RORA: variants seen among roughly 807,000 people sequenced by gnomAD.
The protein encoded by RORA is nuclear receptor ROR-alpha.
In RORA, 7 loss-of-function variants were observed where a neutral mutation model predicts 69.5. That is an observed-to-expected ratio of 0.10 (90% CI 0.06 to 0.19). The LOEUF (loss-of-function observed/expected upper bound fraction) is 0.19. RORA is among the 10% of genes least tolerant of loss of function. The probability of loss-of-function intolerance (pLI) is 1.00; values close to 1 mark genes in which losing one functional copy is unlikely to be tolerated. For synonymous variants in RORA, 261 were observed against 240.8 expected, an observed-to-expected ratio of 1.08 and a Z score of -0.78; for missense variants, 457 against 663.0, an observed-to-expected ratio of 0.69 and a Z score of 3.41.
intron 1 of RORA, among the ~76,000 whole-genome samples, chr15:60,806,931 T>A (rs1431720509): frequency 6.6e-6 from 1 of 152,174 alleles, no homozygotes; most frequent in African/African-American, 2.4e-5. Flanking sequence ...AAAAACCATC[T>A]ATGACAAACC....
At chr15:60,709,741 G>A (rs1377918358) in intron 1 of RORA, among the ~76,000 whole-genome samples, 1 of 151,504 alleles carries the variant, frequency 6.6e-6, no homozygotes, top group African/African-American at 2.4e-5. Context: ...TCTACAATGT[G>A]GTGAATTGTA....
chr15:60,892,891 G>C (rs1201454217), intron 1 of RORA, among the ~76,000 whole-genome samples: 1 of 152,170 alleles, frequency 6.6e-6, no homozygotes, highest in African/African-American at 2.4e-5. Flanking sequence ...CATAAATTTA[G>C]CTGGAACATT....
At chr15:60,930,142 C>T (rs990727756) in intron 1 of RORA, among the ~76,000 whole-genome samples, 2 of 152,212 alleles carry the variant, frequency 1.3e-5, no homozygotes, top group African/African-American at 4.8e-5. Flanking sequence ...AGCCATGTGG[C>T]TAGCGGCTAC....
At chr15:60,611,609 G>A (rs941170778) in intron 2 of RORA, among the ~76,000 whole-genome samples, 1 of 105,578 alleles carries the variant, frequency 9.5e-6, no homozygotes, top group African/African-American at 3.9e-5. Context: ...TTCTTTGCAC[G>A]AGGAGTCTAG....
At chr15:61,001,430 A>C (rs1005675526) in intron 1 of RORA, among the ~76,000 whole-genome samples, 1 of 152,378 alleles carries the variant, frequency 6.6e-6, no homozygotes. Context: ...AGTCAGAGGA[A>C]GAAAACTAAC....
Position 60,847,248 on chromosome 15 carries a change from G to A in RORA, c.167-168562C>T, listed in dbSNP as rs191478887. Among the ~76,000 whole-genome samples the A allele has an allele frequency of 4.6e-5, 7 of 152,148 alleles. No homozygotes were observed. The East Asian group carries it at 1.4e-3, about 29-fold the overall frequency. On this transcript the variant is annotated intron_variant, in intron 1 of 10. Coordinates refer to ENST00000335670, the MANE Select transcript of RORA (RefSeq NM_134261.3). Reference sequence around the variant, plus strand: ...ACTCCCTTGAGGATTAAAGGTATAAGGGTGAACGCAGAGGTGAACTTAGAT... The same window carrying A: ...ACTCCCTTGAGGATTAAAGGTATAAAGGTGAACGCAGAGGTGAACTTAGAT...
At chr15:60,735,594 T>C (rs960873649) in intron 1 of RORA, among the ~76,000 whole-genome samples, 1 of 145,490 alleles carries the variant, frequency 6.9e-6, no homozygotes, top group Admixed American at 6.7e-5. Context: ...AAAAACCAAG[T>C]TGCACTTCGG....
intron 2 of RORA, among the ~76,000 whole-genome samples, chr15:60,669,910 TAA>T (rs1164276599): frequency 1.3e-5 from 2 of 152,200 alleles, no homozygotes; most frequent in Non-Finnish European, 2.9e-5. Flanking sequence ...GGGAGGAATA[TAA>T]GTTAGATTAC....
chr15:61,052,177 T>A (rs974045916), intron 1 of RORA, among the ~76,000 whole-genome samples: 6 of 152,246 alleles, frequency 3.9e-5, no homozygotes, highest in African/African-American at 9.6e-5. Context: ...CAGAGAATGA[T>A]CAGTGTTTTC....
At chr15:61,018,373 C>G (rs1895377238) in intron 1 of RORA, among the ~76,000 whole-genome samples, 2 of 151,954 alleles carry the variant, frequency 1.3e-5, no homozygotes, top group Admixed American at 1.3e-4. Context: ...CATTCACATT[C>G]TAAAATTGCT....
intron 2 of RORA, among the ~76,000 whole-genome samples, chr15:60,617,706 A>G (rs141547505): frequency 1.0e-3 from 153 of 151,682 alleles, no homozygotes; most frequent in African/African-American, 3.5e-3. Context: ...AGGGAGAGAG[A>G]GAGAAACCTA....
In RORA at chr15:60,531,867, G is replaced by C; in HGVS notation, c.197-16C>G. On this transcript the variant is annotated splice_polypyrimidine_tract_variant and intron_variant, in intron 2 of 10. Transcript: ENST00000335670. This position sits in a 1 kb window ranked among gnomAD's most constrained non-coding sequence, Gnocchi z 4.8. ...TCAATTTGAGCTGCAACAGAAGCAC[G>C]CAACCAGTTAATTACATTTTCTTTT... 2 of 1,521,806 alleles carry C rather than the reference G, an allele frequency of 1.3e-6. No individual in the cohort carries two copies. Among genetic ancestry groups the C allele is most frequent in the South Asian group, 1.2e-5 (1 of 83,140 alleles). 94.3% of individuals were successfully genotyped at this position (1,521,806 alleles called of 1,614,324 possible). A position where few individuals can be genotyped will look rare whatever the true frequency, so the allele number is the denominator to read the frequency against.
At chr15:61,040,003 T>C (rs1471749496) in intron 1 of RORA, among the ~76,000 whole-genome samples, 1 of 150,116 alleles carries the variant, frequency 6.7e-6, no homozygotes, top group African/African-American at 2.4e-5. Context: ...GGCCATTTTG[T>C]TGATGGTAGT....
At chr15:60,976,986 C>T (rs1243356453) in intron 1 of RORA, among the ~76,000 whole-genome samples, 1 of 152,048 alleles carries the variant, frequency 6.6e-6, no homozygotes, top group Non-Finnish European at 1.5e-5. Flanking sequence ...CCAGGACAGT[C>T]TGGTTTATGC....
intron 2 of RORA, among the ~76,000 whole-genome samples, chr15:60,624,029 G>C (rs984969532): frequency 5.3e-5 from 8 of 152,024 alleles, no homozygotes; most frequent in Non-Finnish European, 8.8e-5. Context: ...TGGAGAGTAG[G>C]GGGTGGGAAA....
intron 1 of RORA, among the ~76,000 whole-genome samples, chr15:60,878,639 T>C (rs964175040): frequency 6.6e-6 from 1 of 152,242 alleles, no homozygotes; most frequent in East Asian, 1.9e-4. Flanking sequence ...TAGTACTTTT[T>C]AGCCTTCTTA....
At chr15:60,746,342 T>C (rs2071648333) in intron 1 of RORA, among the ~76,000 whole-genome samples, 4 of 152,194 alleles carry the variant, frequency 2.6e-5, no homozygotes, top group Admixed American at 2.6e-4. Flanking sequence ...TCCAGCTTGC[T>C]GCCCAGTTGC....
chr15:60,974,402 T>C (rs1015981760), intron 1 of RORA, among the ~76,000 whole-genome samples: 4 of 152,168 alleles, frequency 2.6e-5, no homozygotes, highest in Admixed American at 6.5e-5. Flanking sequence ...TGTCTATACA[T>C]TGGGAAAAAT....
At chr15:60,637,302 A>G (rs888208929) in intron 2 of RORA, among the ~76,000 whole-genome samples, 3 of 152,182 alleles carry the variant, frequency 2.0e-5, no homozygotes, top group Admixed American at 2.0e-4. Context: ...TTTACAGACT[A>G]ATGAAACACA....
Sources: gnomAD v4.1 joint callset for allele counts (sites outside exome capture counted in the v4.1 genomes callset) on GRCh38, gnomAD v4.1.1 for gene constraint, Gnocchi (gnomAD v3.1) non-coding constraint, MANE v1.5 for transcripts, NCBI Gene and HGNC (gene_info 2026-07-23, HGNC 2026-07-21) for gene names.